Variants in MAP3K13 observed in about 807,000 individuals in gnomAD.
MAP3K13 encodes leucine zipper-bearing kinase.
In MAP3K13, 52 loss-of-function variants were observed where a neutral mutation model predicts 104.0. The ratio of observed to expected loss-of-function variants is 0.50; its 90% confidence interval spans 0.40 to 0.63. The LOEUF (loss-of-function observed/expected upper bound fraction) is 0.63. Among genes scored for constraint, MAP3K13 ranks in the 20% least tolerant of loss-of-function variants. The pLI, the probability that MAP3K13 is intolerant of heterozygous loss-of-function variation, is 0.00. For synonymous variants in MAP3K13, 394 were observed against 442.2 expected, an observed-to-expected ratio of 0.89 and a Z score of 1.37; for missense variants, 914 against 1,218.5, an observed-to-expected ratio of 0.75 and a Z score of 3.72.
At chr3:185,417,655 T>G in intron 1 of MAP3K13, 1 of 1,612,246 alleles carries the variant, frequency 6.2e-7, no homozygotes, top group Admixed American at 1.7e-5. Context: ...TACCACAGGC[T>G]TCTTGCCTGC....
chr3:185,297,797 A>G (rs941549658), intron 2 of MAP3K13, among the ~76,000 whole-genome samples: 2 of 152,058 alleles, frequency 1.3e-5, no homozygotes, highest in Admixed American at 1.3e-4. Context: ...ACAACTAAAC[A>G]GGGTAGGAAG....
chr3:185,308,205 G>C (rs1423783219), intron 2 of MAP3K13, among the ~76,000 whole-genome samples: 1 of 151,872 alleles, frequency 6.6e-6, no homozygotes, highest in Non-Finnish European at 1.5e-5. Context: ...GAGTCTTAGG[G>C]CCTCTCAAAC....
In MAP3K13 at chr3:185,368,436, G is replaced by A. The variant is rs187528514; in HGVS notation, c.-86+5068G>A. 1.7e-3 allele frequency among the ~76,000 whole-genome samples: 253 copies of A among 152,266 alleles called. 3 individuals carry two copies. Among genetic ancestry groups the A allele is most frequent in the Non-Finnish European group, 7.1e-4 (48 of 68,020 alleles). On this transcript the variant is annotated intron_variant, in intron 1 of 13. Transcript: ENST00000265026. ...TCTTCTGTAGCACTGCTCTGGAATG[G>A]GCAAAGAAAGAGTAAGGTAAGTTAG... is the stretch of plus-strand genomic sequence containing the variant.
chr3:185,408,030 C>CT (rs1022218905), intron 1 of MAP3K13, among the ~76,000 whole-genome samples: 1 of 150,804 alleles, frequency 6.6e-6, no homozygotes, highest in Non-Finnish European at 1.5e-5. Flanking sequence ...GTGTGAGCCA[C>CT]TTTTTTTTTC....
At chr3:185,446,196 A>T (rs943185726) in intron 4 of MAP3K13, among the ~76,000 whole-genome samples, 2 of 152,096 alleles carry the variant, frequency 1.3e-5, no homozygotes, top group African/African-American at 4.8e-5. Flanking sequence ...GGATAGAGTC[A>T]GATGCTTTCT....
Position 185,480,237 on chromosome 3 carries a change from A to G in MAP3K13, c.2507A>G (p.His836Arg), listed in dbSNP as rs751119865. The G allele has an allele frequency of 6.2e-7, 1 of 1,613,814 alleles. No individual in the cohort carries two copies. The highest frequency in any genetic ancestry group is 8.5e-7 in the Non-Finnish European group (1 of 1,179,856). ...CTGGTTCTTCTTGGTTCTAGGCCCC[A>G]TCGCTGTATCAGCAGCTGCCAGTCA... ...EVEFPRRQRP[H>R]RCISSCQSYS... Residue 836 changes from histidine to arginine, a missense_variant, in exon 13 of 14, where the codon CAT becomes CGT. This residue lies in a region of MAP3K13 where 583 missense variants were observed against 737.4 expected (regional missense o/e 0.79). Transcript: ENST00000265026.
chr3:185,294,194 T>C (rs1035641391), intron 2 of MAP3K13, among the ~76,000 whole-genome samples: 1 of 152,212 alleles, frequency 6.6e-6, no homozygotes, highest in Non-Finnish European at 1.5e-5. Context: ...ATCTTTAGTT[T>C]AATGATTTAA....
chr3:185,484,818 G>C lies in MAP3K13; in HGVS notation c.*2362G>C, dbSNP rs766308858. 6.6e-6 allele frequency: 1 copy of C among 151,886 alleles called. No individual in the cohort carries two copies. The highest frequency in any genetic ancestry group is 2.1e-4 in the South Asian group (1 of 4,816). 9.4% of individuals were successfully genotyped at this position (151,886 alleles called of 1,614,324 possible). A position where few individuals can be genotyped will look rare whatever the true frequency, so the allele number is the denominator to read the frequency against. ...AATATTATCATTCTCATTTTCTGTC[G>C]ATCAGAAGGTGTGATTTATGATGTG... On this transcript the variant is annotated 3_prime_UTR_variant, in exon 14 of 14. Transcript: ENST00000265026.
intron 1 of MAP3K13, among the ~76,000 whole-genome samples, chr3:185,399,205 AG>A (rs1296180811): frequency 6.6e-6 from 1 of 152,150 alleles, no homozygotes; most frequent in Admixed American, 6.5e-5. Context: ...GGGAGGAAAA[AG>A]AAACAAAGGA....
intron 2 of MAP3K13, among the ~76,000 whole-genome samples, chr3:185,305,395 T>C (rs1312209738): frequency 1.3e-5 from 2 of 152,214 alleles, no homozygotes; most frequent in African/African-American, 4.8e-5. Flanking sequence ...ACTCTACTCC[T>C]TCACATATCC....
chr3:185,285,453 T>C (rs1198184015), intron 1 of MAP3K13: 10 of 509,954 alleles, frequency 2.0e-5, no homozygotes, highest in African/African-American at 1.7e-4. Context: ...TAACTTTTAT[T>C]CATAATGAGT....
chr3:185,370,554 G>T (rs1724101729), intron 1 of MAP3K13, among the ~76,000 whole-genome samples: 1 of 152,162 alleles, frequency 6.6e-6, no homozygotes, highest in Non-Finnish European at 1.5e-5. Context: ...AGCTGGGGAG[G>T]AGGAGAAAGT....
chr3:185,390,149 G>A (rs1711956719), intron 1 of MAP3K13, among the ~76,000 whole-genome samples: 1 of 152,170 alleles, frequency 6.6e-6, no homozygotes, highest in African/African-American at 2.4e-5. Context: ...GAGGTCCCCA[G>A]GAGTTCCCAG....
rs548813356 is a variant in MAP3K13, at chr3:185,330,046, ATTTTTTTTTTTTTTTTTT to A, written c.-86+44422_-86+44439del. Among the ~76,000 whole-genome samples, 15 of 98,278 alleles carry A rather than the reference ATTTTTTTTTTTTTTTTTT, an allele frequency of 1.5e-4. No homozygotes were observed. The Admixed American group carries it at 1.6e-3, about 10-fold the overall frequency. The allele number at this position is 98,278 out of a possible 152,430, so 64.5% of individuals were successfully genotyped here. ...AGGCGCCCGCCACCATGCCTGGCTAATTTTTTTTTTTTTTTTTTTTTTTTTTTTTTTTTTTTAGTAGAG... is the reference window on the plus strand; with the variant it reads ...AGGCGCCCGCCACCATGCCTGGCTAATTTTTTTTTTTTTTTTTTAGTAGAG... On this transcript the variant is annotated intron_variant, in intron 2 of 14. Coordinates refer to the MAP3K13 transcript ENST00000424227.
intron 2 of MAP3K13, among the ~76,000 whole-genome samples, chr3:185,344,346 A>T (rs2108724370): frequency 6.6e-6 from 1 of 152,332 alleles, no homozygotes; most frequent in South Asian, 2.1e-4. Flanking sequence ...GCAAAGGAGA[A>T]ACCCAGCCAA....
intron 2 of MAP3K13, among the ~76,000 whole-genome samples, chr3:185,319,638 C>A (rs1721790809): frequency 6.6e-6 from 1 of 152,168 alleles, no homozygotes; most frequent in Non-Finnish European, 1.5e-5. Context: ...GGCTAGATAC[C>A]AAATTGCATG....
intron 1 of MAP3K13, among the ~76,000 whole-genome samples, chr3:185,397,076 TAAGAG>T (rs1560084341): frequency 6.6e-6 from 1 of 152,058 alleles, no homozygotes; most frequent in Non-Finnish European, 1.5e-5. Flanking sequence ...ATTCATAAGA[TAAGAG>T]AATCTTACAA....
intron 2 of MAP3K13, among the ~76,000 whole-genome samples, chr3:185,308,953 AT>A (rs1169566034): frequency 6.6e-6 from 1 of 151,942 alleles, no homozygotes; most frequent in Non-Finnish European, 1.5e-5. Context: ...TTTTTGGGCC[AT>A]ATGTTGTTGT....
chr3:185,393,980 A>G (rs1297685391), intron 1 of MAP3K13, among the ~76,000 whole-genome samples: 1 of 152,186 alleles, frequency 6.6e-6, no homozygotes, highest in Non-Finnish European at 1.5e-5. Context: ...TGAAAGAGAA[A>G]AGTCAAGTGT....
Sources: allele counts gnomAD v4.1 joint callset (sites outside exome capture counted in the v4.1 genomes callset), GRCh38; gene constraint gnomAD v4.1.1; regional missense constraint gnomAD v4.1.1; transcripts MANE v1.5; gene names NCBI Gene and HGNC (gene_info 2026-07-23, HGNC 2026-07-21).